The following IGSF11 variants were observed in gnomAD, a reference collection of about 807,000 sequenced individuals.
IGSF11 encodes immunoglobulin superfamily member 11.
Under a neutral mutation model 41.0 loss-of-function variants are expected in IGSF11, and 22 were observed. That is an observed-to-expected ratio of 0.54 (90% CI 0.38 to 0.77). The LOEUF (loss-of-function observed/expected upper bound fraction) is 0.77, where lower values mean the gene tolerates loss of function less well. IGSF11 is among the 30% of genes least tolerant of loss of function. The pLI is 0.00. For synonymous variants in IGSF11, 219 were observed against 201.3 expected (o/e 1.09, Z -0.74); for missense variants, 444 against 530.8 (o/e 0.84, Z 1.61).
At chr3:118,949,348 A>T (rs1365103824) in intron 1 of IGSF11, 1 of 149,356 alleles carries the variant, frequency 6.7e-6, no homozygotes, top group Admixed American at 6.7e-5. Flanking sequence ...AAAAAAAGTT[A>T]TACTCTGCCT....
At chr3:118,978,385 T>C (rs548314169) in intron 1 of IGSF11, among the ~76,000 whole-genome samples, 1 of 152,284 alleles carries the variant, frequency 6.6e-6, no homozygotes, top group Non-Finnish European at 1.5e-5. Flanking sequence ...CCATTGCTCA[T>C]GCCACATCCA....
chr3:119,028,703 G>GA (rs67132733), intron 1 of IGSF11, among the ~76,000 whole-genome samples: 92,945 of 150,890 alleles, frequency 0.62, 28,597 homozygotes, highest in East Asian at 0.65. Flanking sequence ...TATAAAATTT[G>GA]AAAAAAAAAC....
chr3:119,001,147 C>T (rs929896808), intron 1 of IGSF11, among the ~76,000 whole-genome samples: 6 of 151,686 alleles, frequency 4.0e-5, no homozygotes, highest in Admixed American at 1.3e-4. Context: ...CGCCTATATC[C>T]TTCAATTGGC....
intron 1 of IGSF11, among the ~76,000 whole-genome samples, chr3:119,063,709 T>A (rs890459165): frequency 6.6e-6 from 1 of 152,240 alleles, no homozygotes. Context: ...ACAAGTCAGA[T>A]GTATTCACAC....
intron 1 of IGSF11, among the ~76,000 whole-genome samples, chr3:118,975,467 T>C (rs1391928146): frequency 1.3e-5 from 2 of 152,034 alleles, no homozygotes; most frequent in African/African-American, 2.4e-5. Flanking sequence ...ATATGCTCTA[T>C]CAAATAACGA....
intron 1 of IGSF11, among the ~76,000 whole-genome samples, chr3:119,074,391 A>C (rs2076456676): frequency 6.6e-6 from 1 of 152,180 alleles, no homozygotes; most frequent in Admixed American, 6.5e-5. Context: ...GTGGAAATTA[A>C]ACAATCTGCT....
At chr3:119,032,844 C>T (rs1479878400) in intron 1 of IGSF11, among the ~76,000 whole-genome samples, 2 of 152,246 alleles carry the variant, frequency 1.3e-5, no homozygotes, top group African/African-American at 4.8e-5. Flanking sequence ...GCTGCAGACA[C>T]TCACACGCGT....
intron 1 of IGSF11, among the ~76,000 whole-genome samples, chr3:119,050,502 G>A (rs1941575462): frequency 6.6e-6 from 1 of 151,894 alleles, no homozygotes; most frequent in East Asian, 1.9e-4. Flanking sequence ...AACAACAGGT[G>A]CTGGAGAGGA....
rs889737986 is a variant in IGSF11, at chr3:118,952,652, G to A, written c.53-22377C>T. On this transcript the variant is annotated intron_variant, in intron 1 of 6. Transcript: ENST00000393775. ...AAGCTTCTAAGATAAAGATGATTGA[G>A]CATTTGTCAAACTAGGGTATAAATA... 3.3e-5 allele frequency among the ~76,000 whole-genome samples: 5 copies of A among 152,140 alleles called. 1 individual carries two copies. The highest frequency in any genetic ancestry group is 1.9e-4 in the East Asian group (1 of 5,178).
intron 1 of IGSF11, among the ~76,000 whole-genome samples, chr3:119,048,213 G>A (rs1404443272): frequency 1.3e-5 from 2 of 152,072 alleles, no homozygotes; most frequent in African/African-American, 2.4e-5. Flanking sequence ...CCAGGAGCTG[G>A]TTTTTTGAAA....
At chr3:119,028,177 G>A (rs1320785229) in intron 1 of IGSF11, among the ~76,000 whole-genome samples, 4 of 152,134 alleles carry the variant, frequency 2.6e-5, no homozygotes, top group Non-Finnish European at 5.9e-5. Context: ...TTTGAGAGAT[G>A]TATAAATACT....
At chr3:119,082,740 G>A (rs2076603979) in intron 1 of IGSF11, among the ~76,000 whole-genome samples, 1 of 152,156 alleles carries the variant, frequency 6.6e-6, no homozygotes, top group Non-Finnish European at 1.5e-5. Context: ...GTGTTTGTAT[G>A]TTCAAACATT....
intron 1 of IGSF11, chr3:118,983,456 T>C (rs1489121650): frequency 6.6e-6 from 1 of 151,700 alleles, no homozygotes; most frequent in Non-Finnish European, 1.5e-5. Context: ...AGAGCTGTCA[T>C]ATGAAAGAAG....
chr3:118,936,948 C>T (rs1309554380), intron 1 of IGSF11, among the ~76,000 whole-genome samples: 1 of 152,144 alleles, frequency 6.6e-6, no homozygotes, highest in Non-Finnish European at 1.5e-5. Context: ...ACATGAAATC[C>T]CCCCTGCAAA....
At chr3:118,955,021 T>C (rs914809411) in intron 1 of IGSF11, among the ~76,000 whole-genome samples, 1 of 152,028 alleles carries the variant, frequency 6.6e-6, no homozygotes, top group Non-Finnish European at 1.5e-5. Context: ...CTAGTAAAAG[T>C]AGAACTACCA....
chr3:118,962,580 C>A (rs965905801), intron 1 of IGSF11, among the ~76,000 whole-genome samples: 4 of 151,980 alleles, frequency 2.6e-5, no homozygotes, highest in African/African-American at 9.7e-5. Context: ...ATTTTAGACA[C>A]TGAGTTTGAT....
rs144797907 is a variant in IGSF11, at chr3:119,033,383, TAA to T, written c.52+1146_52+1147del. On this transcript the variant is annotated intron_variant, in intron 1 of 6. Transcript: ENST00000393775. ...CAAGATACTTGGAAGCACAAGTTCA[TAA>T]CATGGACATATTGATGTTATTGTGT... 1.3e-3 allele frequency among the ~76,000 whole-genome samples: 198 copies of T among 152,312 alleles called. 2 individuals are homozygous for T. In the East Asian group the frequency reaches 0.033, roughly 25 times the overall value.
chr3:119,050,735 T>C (rs1487097093), intron 1 of IGSF11, among the ~76,000 whole-genome samples: 2 of 151,788 alleles, frequency 1.3e-5, no homozygotes, highest in East Asian at 3.9e-4. Flanking sequence ...AGCAAAGACT[T>C]GGAACCAACC....
intron 4 of IGSF11, among the ~76,000 whole-genome samples, chr3:118,922,779 A>C (rs1374857063): frequency 6.6e-6 from 1 of 152,126 alleles, no homozygotes; most frequent in Admixed American, 6.6e-5. Flanking sequence ...CAGCAGATTC[A>C]GTGTCTGGTA....
Sources: allele counts gnomAD v4.1 joint callset (sites outside exome capture counted in the v4.1 genomes callset), GRCh38; gene constraint gnomAD v4.1.1; transcripts MANE v1.5; gene names NCBI Gene and HGNC (gene_info 2026-07-23, HGNC 2026-07-21).